TMTC2: variants seen among roughly 807,000 people sequenced by gnomAD.
The protein encoded by TMTC2 is protein O-mannosyl-transferase TMTC2.
In TMTC2, 43 loss-of-function variants were observed where a neutral mutation model predicts 82.4. The ratio of observed to expected loss-of-function variants is 0.52; its 90% CI spans 0.41 to 0.67. The LOEUF (loss-of-function observed/expected upper bound fraction) is 0.67. Among genes scored for constraint, TMTC2 ranks in the 30% least tolerant of loss-of-function variants. The pLI is 0.00. For missense variants in TMTC2, 919 were observed against 1,012.4 expected (o/e 0.91, Z 1.25); for synonymous variants, 408 against 381.9 (o/e 1.07, Z -0.80).
At chr12:83,030,910 C>G (rs1369206219) in intron 9 of TMTC2, 31 bp downstream of exon 9, 1 of 1,498,236 alleles carries the variant, frequency 6.7e-7, no homozygotes. Context: ...TTTCCATGTC[C>G]CCCACATTTA....
chr12:82,822,346 T>C (rs188172924), intron 1 of TMTC2, among the ~76,000 whole-genome samples: 33 of 152,276 alleles, frequency 2.2e-4, no homozygotes, highest in Admixed American at 5.9e-4. Flanking sequence ...TTTTAACAAA[T>C]GTACCACTAT....
intron 7 of TMTC2, among the ~76,000 whole-genome samples, chr12:82,972,483 T>C (rs1449270361): frequency 6.6e-6 from 1 of 152,172 alleles, no homozygotes; most frequent in Non-Finnish European, 1.5e-5. Flanking sequence ...AATTATGAGA[T>C]ATTTTCCCAA....
intron 11 of TMTC2, among the ~76,000 whole-genome samples, chr12:83,123,941 C>T (rs568518459): frequency 6.6e-6 from 1 of 152,282 alleles, no homozygotes; most frequent in East Asian, 1.9e-4. Context: ...TTTGTAGACA[C>T]ACCTGATTCT....
chr12:82,775,211 G>A (rs767242064), intron 1 of TMTC2, among the ~76,000 whole-genome samples: 2 of 152,076 alleles, frequency 1.3e-5, no homozygotes, highest in Non-Finnish European at 2.9e-5. Context: ...TGCACTTGGA[G>A]ACCGAGGCAG....
At chr12:83,004,737 T>TTC (rs1880084944) in intron 8 of TMTC2, among the ~76,000 whole-genome samples, 1 of 82,642 alleles carries the variant, frequency 1.2e-5, no homozygotes, top group Admixed American at 1.1e-4. Flanking sequence ...TTTTTTTTTT[T>TTC]TTTTTTTTTT....
chr12:82,851,534 T>C (rs1464161767), intron 1 of TMTC2, among the ~76,000 whole-genome samples: 1 of 152,210 alleles, frequency 6.6e-6, no homozygotes, highest in Non-Finnish European at 1.5e-5. Flanking sequence ...GCTCTCTAGT[T>C]TACAGTTGAG....
chr12:83,131,586 A>G (rs1242527252), intron 11 of TMTC2, among the ~76,000 whole-genome samples: 1 of 152,180 alleles, frequency 6.6e-6, no homozygotes, highest in East Asian at 1.9e-4. Flanking sequence ...TATGGTAAAC[A>G]TTCATCATTA....
chr12:83,037,897 A>G (rs897741132), intron 9 of TMTC2, among the ~76,000 whole-genome samples: 3 of 152,118 alleles, frequency 2.0e-5, no homozygotes, highest in Admixed American at 2.0e-4. Context: ...AAGGCAAAAA[A>G]TAAAAGATCA....
intron 8 of TMTC2, among the ~76,000 whole-genome samples, chr12:83,013,183 A>G (rs1466519068): frequency 6.6e-6 from 1 of 152,124 alleles, no homozygotes; most frequent in African/African-American, 2.4e-5. Flanking sequence ...CATTTGAGAA[A>G]TCTTTATTTG....
intron 1 of TMTC2, among the ~76,000 whole-genome samples, chr12:82,735,533 G>A (rs921208706): frequency 2.6e-5 from 4 of 151,900 alleles, no homozygotes; most frequent in African/African-American, 9.7e-5. Flanking sequence ...TTTTAGTAGA[G>A]ACGAAGTTTC....
At chr12:82,823,556 A>G (rs1869236608) in intron 1 of TMTC2, among the ~76,000 whole-genome samples, 1 of 152,216 alleles carries the variant, frequency 6.6e-6, no homozygotes, top group Non-Finnish European at 1.5e-5. Context: ...AGTATTTCTA[A>G]GTGTTAGTAG....
At chr12:82,753,725 C>T (rs1184150371) in intron 1 of TMTC2, among the ~76,000 whole-genome samples, 1 of 152,150 alleles carries the variant, frequency 6.6e-6, no homozygotes. Flanking sequence ...CTCTGGGAGG[C>T]CCAATTGATT....
At position 83,127,658 on chromosome 12, in the gene TMTC2, A is replaced by T. The variant is rs1399742016; in HGVS notation, c.2332-4552A>T. 2.6e-5 allele frequency among the ~76,000 whole-genome samples: 4 copies of T among 152,172 alleles called. No individual in the cohort carries two copies. In the East Asian group the frequency reaches 7.7e-4, roughly 29 times the overall value. ...TTTCTGTTATTTTCTTTCCAATCCT[A>T]CATGATAAGCTTAGGCCAGAACAAT... is the stretch of plus-strand genomic sequence containing the variant. On this transcript the variant is annotated intron_variant, in intron 11 of 11. Coordinates refer to ENST00000321196, the MANE Select transcript of TMTC2 (RefSeq NM_152588.3).
intron 3 of TMTC2, among the ~76,000 whole-genome samples, chr12:82,896,912 A>G (rs1442442044): frequency 1.3e-5 from 2 of 152,142 alleles, no homozygotes; most frequent in African/African-American, 2.4e-5. Context: ...TGTTGTGTAA[A>G]CAATATTGAC....
chr12:82,691,702 G>A (rs1872587531), intron 1 of TMTC2, among the ~76,000 whole-genome samples: 1 of 152,110 alleles, frequency 6.6e-6, no homozygotes, highest in Non-Finnish European at 1.5e-5. Context: ...TAATAGACTT[G>A]TCTTTGACCA....
At chr12:83,111,126 T>A (rs1592499358) in intron 11 of TMTC2, among the ~76,000 whole-genome samples, 1 of 152,364 alleles carries the variant, frequency 6.6e-6, no homozygotes, top group East Asian at 1.9e-4. Context: ...TTACTCCTTC[T>A]TCATTAATGT....
intron 2 of TMTC2, among the ~76,000 whole-genome samples, chr12:82,882,221 G>A (rs1296682761): frequency 6.6e-6 from 1 of 151,514 alleles, no homozygotes; most frequent in Non-Finnish European, 1.5e-5. Flanking sequence ...GGATGGTCTC[G>A]ATCTCCTGAC....
intron 7 of TMTC2, among the ~76,000 whole-genome samples, chr12:82,976,811 G>A (rs1207928677): frequency 1.3e-5 from 2 of 151,996 alleles, no homozygotes; most frequent in African/African-American, 4.8e-5. Context: ...ACACTGTGAA[G>A]TAAAAAATGA....
chr12:82,924,077 T>C (rs1875559699), intron 3 of TMTC2, among the ~76,000 whole-genome samples: 1 of 152,196 alleles, frequency 6.6e-6, no homozygotes, highest in South Asian at 2.1e-4. Context: ...GAAGGAATTG[T>C]TTTTATATTT....
Sources: gnomAD v4.1 joint callset for allele counts (sites outside exome capture counted in the v4.1 genomes callset) on GRCh38, gnomAD v4.1.1 for gene constraint, MANE v1.5 for transcripts, NCBI Gene and HGNC (gene_info 2026-07-23, HGNC 2026-07-21) for gene names.